ZNF726: variants seen among roughly 807,000 people sequenced by gnomAD.
The protein encoded by ZNF726 is zinc finger protein 92 pseudogene 3.
ZNF726 carries 15 observed loss-of-function variants against 11.6 expected under a neutral mutation model. The ratio of observed to expected loss-of-function variants is 1.29; its 90% CI spans 0.86 to 1.99. The LOEUF (loss-of-function observed/expected upper bound fraction) is 1.99, where lower values mean the gene tolerates loss of function less well. ZNF726 is among the 30% of genes most tolerant of loss of function. The probability of loss-of-function intolerance (pLI) is 0.00; values close to 1 mark genes in which losing one functional copy is unlikely to be tolerated. For synonymous variants in ZNF726, 295 were observed against 243.6 expected (o/e 1.21, Z -1.96); for missense variants, 890 against 725.6 (o/e 1.23, Z -2.60).
At chr19:23,942,547 G>A (rs771190123) in intron 3 of ZNF726, among the ~76,000 whole-genome samples, 58 of 152,162 alleles carry the variant, frequency 3.8e-4, no homozygotes, top group Non-Finnish European at 6.9e-4. Context: ...GTCTAGTGCT[G>A]TCAGTGGAGT....
chr19:23,927,906 G>C (rs1156996447), intron 3 of ZNF726: 2 of 152,084 alleles, frequency 1.3e-5, no homozygotes, highest in Non-Finnish European at 2.9e-5. Context: ...AAACCTAGTT[G>C]GTCTATAATA....
chr19:23,944,189 AT>A (rs1322034542), intron 4 of ZNF726: 1 of 152,008 alleles, frequency 6.6e-6, no homozygotes, highest in Non-Finnish European at 1.5e-5. Flanking sequence ...TATTTTTTGA[AT>A]CTTTTGACCA....
At chr19:23,932,249 GT>G (rs1968121976) in intron 3 of ZNF726, 93 bp from the exon 4 acceptor site, 7 of 1,022,750 alleles carry the variant, frequency 6.8e-6, no homozygotes, top group Admixed American at 3.9e-5. Flanking sequence ...AAACCATCTT[GT>G]TTTTGTAGGT....
At chr19:23,929,580 A>C (rs1968061373) in intron 3 of ZNF726, among the ~76,000 whole-genome samples, 1 of 152,172 alleles carries the variant, frequency 6.6e-6, no homozygotes, top group Non-Finnish European at 1.5e-5. Flanking sequence ...CGTCCCTCCC[A>C]CAACATGTGG....
chr19:23,922,922 CTT>C (rs372633600), intron 3 of ZNF726, among the ~76,000 whole-genome samples: 239 of 144,714 alleles, frequency 1.7e-3, no homozygotes, highest in Non-Finnish European at 2.0e-3. Context: ...AATAGGTCAC[CTT>C]TTTTTTTTTT....
At chr19:23,923,612 G>A (rs1240531019) in intron 3 of ZNF726, 7 of 181,684 alleles carry the variant, frequency 3.9e-5, no homozygotes, top group South Asian at 1.8e-4. Context: ...GGGTTTCACC[G>A]TGCTCTCGAT....
downstream of ZNF726, chr19:23,935,153 A>T: frequency 2.7e-6 from 1 of 376,808 alleles, no homozygotes; most frequent in South Asian, 2.0e-5. Flanking sequence ...TCTCGTCTTG[A>T]ATCCCCACAT....
In ZNF726 at chr19:23,914,938, C is replaced by T. The variant is rs1259281172; in HGVS notation, c.-57C>T. On this transcript the variant is annotated 5_prime_UTR_variant, in exon 1 of 4. Coordinates refer to ENST00000594466, the MANE Select transcript of ZNF726 (RefSeq NM_001244038.2). ...TCTCGTCCTCACTACTCTGTGTCTTCTGCTTTTAGGGGCGCAGCCTCTGTG... is the reference window on the plus strand; with the variant it reads ...TCTCGTCCTCACTACTCTGTGTCTTTTGCTTTTAGGGGCGCAGCCTCTGTG... The T allele has an allele frequency of 1.2e-6, 2 of 1,612,334 alleles. No individual in the cohort carries two copies. Among genetic ancestry groups the T allele is most frequent in the Admixed American group, 1.7e-5 (1 of 59,942 alleles).
chr19:23,941,812 A>G (rs969682986), intron 3 of ZNF726, among the ~76,000 whole-genome samples: 2 of 152,084 alleles, frequency 1.3e-5, no homozygotes, highest in Non-Finnish European at 2.9e-5. Context: ...GGTGTCAGTT[A>G]TAATATCTCC....
intron 1 of ZNF726, among the ~76,000 whole-genome samples, chr19:23,918,193 C>T (rs1967751339): frequency 1.3e-5 from 2 of 151,910 alleles, no homozygotes; most frequent in African/African-American, 4.8e-5. Flanking sequence ...GGTTGTTTAC[C>T]AGGGAAGGGG....
In ZNF726 at chr19:23,933,789, T is replaced by G; in HGVS notation, c.1673T>G (p.Ile558Ser). 2 of 1,608,186 alleles carry G rather than the reference T, an allele frequency of 1.2e-6. No homozygotes were observed. Among genetic ancestry groups the G allele is most frequent in the Non-Finnish European group, 1.7e-6 (2 of 1,178,040 alleles). Residue 558 changes from isoleucine (I) to serine (S), a missense_variant, in exon 4 of 4, where the codon ATT (isoleucine) becomes AGT (serine). Ile to Ser is a moderately radical substitution (Grantham distance 142, BLOSUM62 -2). Transcript: ENST00000594466. ...QSSNLSTHKI[I>S]HTGEKPYKCE... ...TCAAATCTTAGTACACATAAGATAATTCATACTGGAGAGAAACCTTACAAG... is the reference window on the plus strand; with the variant it reads ...TCAAATCTTAGTACACATAAGATAAGTCATACTGGAGAGAAACCTTACAAG...
chr19:23,934,104 T>C lies in ZNF726; in HGVS notation c.*137T>C. The C allele has an allele frequency of 8.7e-7, 1 of 1,155,324 alleles. No homozygotes were observed. Among genetic ancestry groups the C allele is most frequent in the African/African-American group, 1.5e-5 (1 of 65,466 alleles). The allele number at this position is 1,155,324 out of a possible 1,614,324, so 71.6% of individuals were successfully genotyped here. A position where few individuals can be genotyped will look rare whatever the true frequency, so the allele number is the denominator to read the frequency against. On this transcript the variant is annotated 3_prime_UTR_variant, in exon 4 of 4. Coordinates refer to ENST00000594466, the MANE Select transcript of ZNF726 (RefSeq NM_001244038.2). ...AAAGCTTTTAATCCTCAAATCTTAC[T>C]AAACATTAGATAATTCACACTGGAG...
rs1037655893 is a variant in ZNF726, at chr19:23,933,848, T to C, written c.1732T>C (p.Ser578Pro). Residue 578 changes from serine (S) to proline (P), a missense_variant, in exon 4 of 4, where the codon TCA becomes CCA. Ser to Pro is a moderately conservative substitution (Grantham distance 74). Coordinates refer to ENST00000594466, the MANE Select transcript of ZNF726 (RefSeq NM_001244038.2). Reference protein sequence around the residue: ...EECGKAFNRSSNLSTHKIIHT... With the variant: ...EECGKAFNRSPNLSTHKIIHT... The stretch of plus-strand genomic sequence containing the variant: ...ATGTGGAAAAGCGTTTAATCGATCC[T>C]CAAATCTTAGTACGCATAAGATAAT... 1 of 1,596,106 alleles carries C rather than the reference T, an allele frequency of 6.3e-7. No homozygotes were observed. The highest frequency in any genetic ancestry group is 1.8e-5 in the Admixed American group (1 of 57,002).
At chr19:23,937,593 C>T (rs199797240), downstream of ZNF726, among the ~76,000 whole-genome samples, 12 of 150,496 alleles carry the variant, frequency 8.0e-5, no homozygotes, top group Admixed American at 3.3e-4. Context: ...GGATGGCGGC[C>T]GGGAAGAGGC....
At chr19:23,923,528 C>T in intron 3 of ZNF726, 1 of 267,322 alleles carries the variant, frequency 3.7e-6, no homozygotes, top group South Asian at 3.4e-5. Flanking sequence ...TCTCCTGCCT[C>T]AGCCTCCTGA....
At chr19:23,944,454 A>C (rs938742820) in intron 4 of ZNF726, 1 of 152,790 alleles carries the variant, frequency 6.5e-6, no homozygotes, top group African/African-American at 2.4e-5. Context: ...GGCTATTTGC[A>C]TGTCTTTATT....
exon 4 of ZNF726, chr19:23,943,523 T>C (rs749896548): frequency 2.4e-5 from 16 of 671,694 alleles, no homozygotes; most frequent in Non-Finnish European, 3.8e-5. Flanking sequence ...TGATCTGATC[T>C]CCTGCCTTGA....
intron 3 of ZNF726, chr19:23,921,560 T>C (rs1967852659): frequency 1.3e-5 from 2 of 152,174 alleles, no homozygotes; most frequent in African/African-American, 4.8e-5. Flanking sequence ...CTCTCTAATT[T>C]TTTTATTGCT....
Position 23,933,756 on chromosome 19 carries a change from A to G in ZNF726, c.1640A>G (p.Asn547Ser), listed in dbSNP as rs1599469813. The G allele has an allele frequency of 6.2e-7, 1 of 1,605,552 alleles. No individual in the cohort carries two copies. The highest frequency in any genetic ancestry group is 2.2e-5 in the East Asian group (1 of 44,758). Residue 547 changes from asparagine to serine, a missense_variant, in exon 4 of 4, where the codon AAT becomes AGT. Physicochemically the swap from Asn to Ser is conservative, Grantham distance 46. Coordinates refer to ENST00000594466, the MANE Select transcript of ZNF726 (RefSeq NM_001244038.2). Reference sequence around the variant, plus strand: ...TGTGAAGAATGTGGCAAAACTTTTAATCAATCCTCAAATCTTAGTACACAT... The same window carrying G: ...TGTGAAGAATGTGGCAAAACTTTTAGTCAATCCTCAAATCTTAGTACACAT... ...YKCEECGKTF[N>S]QSSNLSTHKI...
Sources: allele counts gnomAD v4.1 joint callset (sites outside exome capture counted in the v4.1 genomes callset), GRCh38; gene constraint gnomAD v4.1.1; transcripts MANE v1.5; gene names NCBI Gene and HGNC (gene_info 2026-07-23, HGNC 2026-07-21).